KIAA1217: variants seen among roughly 807,000 people sequenced by gnomAD.
KIAA1217 encodes the protein KIAA1217.
Under a neutral mutation model 163.9 loss-of-function variants are expected in KIAA1217, and 88 were observed. That is an observed-to-expected ratio of 0.54 (90% confidence interval 0.45 to 0.64). KIAA1217 has a LOEUF of 0.64. Ranked by LOEUF, KIAA1217 falls within the 30% of genes least tolerant of loss-of-function variation. The pLI, the probability that KIAA1217 is intolerant of heterozygous loss-of-function variation, is 0.00. For missense variants in KIAA1217, 2,372 were observed against 2,475.0 expected (o/e 0.96, Z 0.88); for synonymous variants, 903 against 923.1 (o/e 0.98, Z 0.39).
Position 23,922,204 on chromosome 10 carries a change from A to G in KIAA1217, c.-320-85021A>G, listed in dbSNP as rs535422026. On this transcript the variant is annotated intron_variant, in intron 1 of 18. Coordinates refer to the KIAA1217 transcript ENST00000376462. ...AAACCCTAAAAGAAGGGGTTCAGAG[A>G]GCTTTCAGGTTGGTGAACAAGTGGA... Among the ~76,000 whole-genome samples the G allele has an allele frequency of 5.3e-5, 8 of 152,312 alleles. No homozygotes were observed. The South Asian group carries it at 1.4e-3, about 28-fold the overall frequency.
chr10:24,545,520 C>A, intron 20 of KIAA1217: 2 of 1,306,336 alleles, frequency 1.5e-6, no homozygotes, highest in African/African-American at 1.5e-5. Flanking sequence ...AATGCCCGAC[C>A]CCCACCCCAG....
chr10:24,530,177 GTCTCATAACTGTTCCT>G (rs1199995754), intron 14 of KIAA1217, among the ~76,000 whole-genome samples: 2 of 152,038 alleles, frequency 1.3e-5, no homozygotes, highest in Admixed American at 1.3e-4. Context: ...TTTTATATAG[GTCTCATAACTGTTCCT>G]TCTCATGATT....
At chr10:24,077,759 C>A (rs1239697551) in intron 2 of KIAA1217, among the ~76,000 whole-genome samples, 1 of 152,182 alleles carries the variant, frequency 6.6e-6, no homozygotes, top group Non-Finnish European at 1.5e-5. Context: ...AATTGCCATA[C>A]CATCTTCCAA....
intron 2 of KIAA1217, among the ~76,000 whole-genome samples, chr10:24,241,816 A>G (rs1243549863): frequency 6.6e-6 from 1 of 152,170 alleles, no homozygotes; most frequent in Non-Finnish European, 1.5e-5. Flanking sequence ...TCTTCATTCC[A>G]GGGTTTTCTT....
chr10:23,741,154 A>T (rs1478268641), intron 1 of KIAA1217, among the ~76,000 whole-genome samples: 1 of 152,172 alleles, frequency 6.6e-6, no homozygotes, highest in Non-Finnish European at 1.5e-5. Flanking sequence ...TACTGAATTA[A>T]CTAATTAATG....
At chr10:24,216,148 A>G (rs1052214843) in intron 1 of KIAA1217, among the ~76,000 whole-genome samples, 11 of 152,312 alleles carry the variant, frequency 7.2e-5, no homozygotes, top group Middle Eastern at 6.8e-3. Context: ...AGGGCTGCTC[A>G]AAGATTAATG....
At chr10:23,826,041 A>G (rs1444932531) in intron 1 of KIAA1217, among the ~76,000 whole-genome samples, 1 of 152,170 alleles carries the variant, frequency 6.6e-6, no homozygotes, top group Non-Finnish European at 1.5e-5. Flanking sequence ...CCAGTATGCT[A>G]GTATGTTAAC....
At chr10:23,867,746 A>G (rs1840262807) in intron 1 of KIAA1217, among the ~76,000 whole-genome samples, 1 of 151,856 alleles carries the variant, frequency 6.6e-6, no homozygotes, top group African/African-American at 2.4e-5. Flanking sequence ...TAGATTCTGG[A>G]TATTAGCCCT....
At chr10:23,925,226 A>C (rs1483023441) in intron 1 of KIAA1217, among the ~76,000 whole-genome samples, 1 of 152,098 alleles carries the variant, frequency 6.6e-6, no homozygotes, top group Non-Finnish European at 1.5e-5. Context: ...AAGATAAGGA[A>C]ACAACTTACA....
intron 1 of KIAA1217, among the ~76,000 whole-genome samples, chr10:23,780,492 C>G (rs1338053173): frequency 2.6e-5 from 4 of 152,148 alleles, no homozygotes; most frequent in African/African-American, 9.7e-5. Context: ...AGTGAGATCA[C>G]TTCTCCCTGT....
At position 24,209,275 on chromosome 10, in the gene KIAA1217, A is replaced by G. The variant is rs764108850; in HGVS notation, c.70+12A>G. ...AAGACAGATGCAGGGTAAGTAACAGACCCATTCAAAGATGGAGTTACAGGG... is the reference window on the plus strand; with the variant it reads ...AAGACAGATGCAGGGTAAGTAACAGGCCCATTCAAAGATGGAGTTACAGGG... On this transcript the variant is annotated intron_variant, in intron 1 of 20. Coordinates refer to ENST00000376454, the MANE Select transcript of KIAA1217 (RefSeq NM_019590.5). 1 of 1,607,034 alleles carries G rather than the reference A, an allele frequency of 6.2e-7. No individual in the cohort carries two copies. The highest frequency in any genetic ancestry group is 8.5e-7 in the Non-Finnish European group (1 of 1,175,036).
At chr10:24,081,252 G>C (rs938127575) in intron 2 of KIAA1217, among the ~76,000 whole-genome samples, 1 of 152,186 alleles carries the variant, frequency 6.6e-6, no homozygotes, top group Non-Finnish European at 1.5e-5. Flanking sequence ...AAACGTGCCA[G>C]GAAGCCAAGA....
Position 24,433,079 on chromosome 10 carries a change from T to C in KIAA1217, c.638T>C (p.Leu213Pro). 1 of 1,614,146 alleles carries C rather than the reference T, an allele frequency of 6.2e-7. No homozygotes were observed. The highest frequency in any genetic ancestry group is 8.5e-7 in the Non-Finnish European group (1 of 1,180,012). Residue 213 changes from leucine (L) to proline (P), a missense_variant, in exon 4 of 21, where the codon CTC becomes CCC. Around this residue, in one of 3 missense-constraint regions of KIAA1217, gnomAD observed 1,431 missense variants for 1,470.3 expected, o/e 0.97. Transcript: ENST00000376454. Reference sequence around the variant, plus strand: ...ACAAGTGCAGACACAATCCGTGCTCTCTTCGTAAGTGCCTTTCCACAGCAG... The same window carrying C: ...ACAAGTGCAGACACAATCCGTGCTCCCTTCGTAAGTGCCTTTCCACAGCAG... Reference protein sequence around the residue: ...EITSADTIRALFVSAFPQQLT... With the variant: ...EITSADTIRAPFVSAFPQQLT...
At chr10:24,054,275 G>A (rs1175260855) in intron 2 of KIAA1217, among the ~76,000 whole-genome samples, 1 of 152,226 alleles carries the variant, frequency 6.6e-6, no homozygotes, top group African/African-American at 2.4e-5. Context: ...CAGATAGGAA[G>A]TTGAATACGT....
intron 2 of KIAA1217, among the ~76,000 whole-genome samples, chr10:24,284,626 CACT>C (rs1344356278): frequency 6.6e-6 from 1 of 152,118 alleles, no homozygotes; most frequent in African/African-American, 2.4e-5. Context: ...TCCATTCCAC[CACT>C]GATGGGCCCC....
At chr10:23,916,968 CA>C (rs72049753) in intron 1 of KIAA1217, among the ~76,000 whole-genome samples, 6,846 of 79,978 alleles carry the variant, frequency 0.086, 377 homozygotes, top group African/African-American at 0.23. Context: ...GAGATTCTCT[CA>C]AAAAAAAAAA....
At chr10:24,046,188 G>A (rs1260031362) in intron 2 of KIAA1217, among the ~76,000 whole-genome samples, 1 of 151,904 alleles carries the variant, frequency 6.6e-6, no homozygotes, top group Non-Finnish European at 1.5e-5. Context: ...CTTCAACCTT[G>A]GTTTGAAAAA....
chr10:23,928,072 T>C (rs1468853604), intron 1 of KIAA1217, among the ~76,000 whole-genome samples: 1 of 152,144 alleles, frequency 6.6e-6, no homozygotes, highest in Non-Finnish European at 1.5e-5. Flanking sequence ...AAAGAAACAA[T>C]GGCTAAGCTG....
intron 1 of KIAA1217, among the ~76,000 whole-genome samples, chr10:23,739,975 A>G (rs1839017204): frequency 1.3e-5 from 2 of 152,176 alleles, no homozygotes; most frequent in African/African-American, 2.4e-5. Flanking sequence ...ACCAAAATTG[A>G]GTTGCCACCT....
Sources: allele counts gnomAD v4.1 joint callset (sites outside exome capture counted in the v4.1 genomes callset), GRCh38; gene constraint gnomAD v4.1.1; regional missense constraint gnomAD v4.1.1; transcripts MANE v1.5; gene names NCBI Gene and HGNC (gene_info 2026-07-23, HGNC 2026-07-21).